The following DSCAM variants were observed in gnomAD, a reference collection of about 807,000 sequenced individuals.
DSCAM encodes the protein cell adhesion molecule DSCAM.
Under a neutral mutation model 217.7 loss-of-function variants are expected in DSCAM, and 47 were observed. The observed-to-expected ratio is 0.22, with a 90% CI of 0.17 to 0.28. The LOEUF is 0.28. DSCAM is among the 10% of genes least tolerant of loss of function. DSCAM has a pLI of 1.00. For missense variants in DSCAM, 2,080 were observed against 2,618.3 expected (o/e 0.79, Z 4.49); for synonymous variants, 1,056 against 1,015.3 (o/e 1.04, Z -0.76).
rs148126250 is a variant in DSCAM, at chr21:40,011,290, T to C, written c.*1744A>G. Reference sequence around the variant, plus strand: ...GACATGGTCCTGGACCCATTCTGTGTCACTGAATCTAAGCAGACAAATGGG... The same window carrying C: ...GACATGGTCCTGGACCCATTCTGTGCCACTGAATCTAAGCAGACAAATGGG... On this transcript the variant is annotated 3_prime_UTR_variant, in exon 33 of 33. Coordinates refer to ENST00000400454, the MANE Select transcript of DSCAM (RefSeq NM_001389.5). The C allele has an allele frequency of 1.5e-3, 231 of 152,216 alleles. No individual in the cohort carries two copies. Among genetic ancestry groups the C allele is most frequent in the African/African-American group, 5.3e-3 (222 of 41,524 alleles). 9.4% of individuals were successfully genotyped at this position (152,216 alleles called of 1,614,324 possible).
chr21:40,490,169 C>T (rs925466839), intron 3 of DSCAM, among the ~76,000 whole-genome samples: 3 of 152,056 alleles, frequency 2.0e-5, no homozygotes, highest in African/African-American at 4.8e-5. Context: ...ATGAGAACAG[C>T]CCAGGAAAGA....
At chr21:40,785,491 T>C (rs573515817) in intron 1 of DSCAM, among the ~76,000 whole-genome samples, 5 of 152,210 alleles carry the variant, frequency 3.3e-5, no homozygotes, top group Non-Finnish European at 5.9e-5. Context: ...AGAATAGCAG[T>C]ACAGACTTTT....
At position 40,621,566 on chromosome 21, in the gene DSCAM, C is replaced by T. The variant is rs1294143293; in HGVS notation, c.508+71244G>A. On this transcript the variant is annotated intron_variant, in intron 3 of 32. Transcript: ENST00000400454. ...GCCATGGCTGCTAAGCACCCTCTGA[C>T]TTCTGCTTGGGGACCAGATGGGATG... Among the ~76,000 whole-genome samples the T allele has an allele frequency of 2.0e-5, 3 of 151,862 alleles. No homozygotes were observed. In the East Asian group the frequency reaches 5.9e-4, roughly 30 times the overall value.
rs369660926 is a variant in DSCAM, at chr21:40,481,296, C to T, written c.509-112051G>A. ...CAAGGTCAGGAGATCGAGACCATCCCGGCTAACATGGTGAAACCCCGTCTC... is the reference window on the plus strand; with the variant it reads ...CAAGGTCAGGAGATCGAGACCATCCTGGCTAACATGGTGAAACCCCGTCTC... On this transcript the variant is annotated intron_variant, in intron 3 of 32. Transcript: ENST00000400454. 2.0e-4 allele frequency among the ~76,000 whole-genome samples: 30 copies of T among 152,020 alleles called. No homozygotes were observed. The South Asian group carries it at 2.5e-3, about 13-fold the overall frequency.
intron 11 of DSCAM, among the ~76,000 whole-genome samples, chr21:40,256,036 G>A (rs1488645489): frequency 6.6e-6 from 1 of 152,226 alleles, no homozygotes; most frequent in Non-Finnish European, 1.5e-5. Flanking sequence ...AAGTCACTAA[G>A]TTTGTGGTAG....
chr21:40,027,469 T>G (rs1332022570), intron 32 of DSCAM, among the ~76,000 whole-genome samples: 1 of 148,958 alleles, frequency 6.7e-6, no homozygotes, highest in African/African-American at 2.5e-5. Context: ...TCCTGCAGAG[T>G]GTTTTTCAAC....
chr21:40,141,515 C>T (rs2090289625), intron 18 of DSCAM, among the ~76,000 whole-genome samples: 1 of 152,160 alleles, frequency 6.6e-6, no homozygotes, highest in Non-Finnish European at 1.5e-5. Context: ...ACTTGGGAGG[C>T]TGAGGCAGGA....
intron 3 of DSCAM, among the ~76,000 whole-genome samples, chr21:40,599,708 T>G (rs751267459): frequency 1.3e-5 from 2 of 151,940 alleles, no homozygotes; most frequent in Non-Finnish European, 2.9e-5. Context: ...ATAGATAGAT[T>G]GCTAGATAGA....
chr21:40,670,343 C>T (rs1312993323), intron 3 of DSCAM, among the ~76,000 whole-genome samples: 1 of 150,856 alleles, frequency 6.6e-6, no homozygotes, highest in Non-Finnish European at 1.5e-5. Flanking sequence ...CAAGACCATC[C>T]TGGCCAACAT....
intron 2 of DSCAM, among the ~76,000 whole-genome samples, chr21:40,704,733 G>GA (rs562622630): frequency 1.3e-3 from 201 of 151,894 alleles, no homozygotes; most frequent in Admixed American, 9.0e-3. Flanking sequence ...TTAAAGAACA[G>GA]AAAAAAATGT....
At chr21:40,792,494 C>T (rs2091655086) in intron 1 of DSCAM, among the ~76,000 whole-genome samples, 1 of 152,172 alleles carries the variant, frequency 6.6e-6, no homozygotes, top group East Asian at 1.9e-4. Context: ...TTAACTTAGA[C>T]ACCTCTTTAA....
chr21:40,527,468 G>A (rs899457758), intron 3 of DSCAM, among the ~76,000 whole-genome samples: 69 of 152,104 alleles, frequency 4.5e-4, no homozygotes, highest in African/African-American at 1.4e-3. Context: ...GTTGCCTGCT[G>A]GACAACAGGA....
At chr21:40,138,627 G>T (rs1378771074) in intron 18 of DSCAM, among the ~76,000 whole-genome samples, 2 of 141,380 alleles carry the variant, frequency 1.4e-5, no homozygotes, top group Non-Finnish European at 3.1e-5. Context: ...AGTGTGTGGT[G>T]TATGTGGGGT....
intron 3 of DSCAM, among the ~76,000 whole-genome samples, chr21:40,641,845 C>T (rs9284467): frequency 0.21 from 32,527 of 151,810 alleles, 3,716 homozygotes; most frequent in Admixed American, 0.26. Flanking sequence ...GTCAGGAGTT[C>T]GAGACCACCC....
chr21:40,495,757 T>C (rs1007211674), intron 3 of DSCAM, among the ~76,000 whole-genome samples: 6 of 152,188 alleles, frequency 3.9e-5, no homozygotes, highest in African/African-American at 9.6e-5. Context: ...GTTTGCAGGC[T>C]ACATATCTTT....
intron 3 of DSCAM, among the ~76,000 whole-genome samples, chr21:40,402,098 C>A (rs536190357): frequency 8.8e-6 from 1 of 113,838 alleles, no homozygotes; most frequent in African/African-American, 3.3e-5. Context: ...CTCGCTCTGT[C>A]GCCCGGGCTG....
intron 3 of DSCAM, among the ~76,000 whole-genome samples, chr21:40,559,241 G>A (rs1441443695): frequency 6.6e-6 from 1 of 152,154 alleles, no homozygotes; most frequent in Non-Finnish European, 1.5e-5. Context: ...GGAGGATCAC[G>A]AGGGCAGGAG....
chr21:40,395,388 G>T lies in DSCAM; in HGVS notation c.509-26143C>A, dbSNP rs373346249. Among the ~76,000 whole-genome samples the T allele has an allele frequency of 1.9e-3, 289 of 150,676 alleles. 1 individual carries two copies. Among genetic ancestry groups the T allele is most frequent in the African/African-American group, 6.7e-3 (275 of 41,072 alleles). Reference sequence around the variant, plus strand: ...ATTTGAGTCTCTTTGGTATCCAGCTGTAAAATGACGCATGTTTTTTTTCCT... The same window carrying T: ...ATTTGAGTCTCTTTGGTATCCAGCTTTAAAATGACGCATGTTTTTTTTCCT... On this transcript the variant is annotated intron_variant, in intron 3 of 32. Transcript: ENST00000400454.
intron 3 of DSCAM, among the ~76,000 whole-genome samples, chr21:40,375,789 AT>A (rs1409319221): frequency 6.6e-6 from 1 of 152,174 alleles, no homozygotes; most frequent in African/African-American, 2.4e-5. Flanking sequence ...TATTGCTTGT[AT>A]TCAAAACATC....
Sources: gnomAD v4.1 joint callset for allele counts (sites outside exome capture counted in the v4.1 genomes callset) on GRCh38, gnomAD v4.1.1 for gene constraint, MANE v1.5 for transcripts, NCBI Gene and HGNC (gene_info 2026-07-23, HGNC 2026-07-21) for gene names.